Variants in UNC13B observed in about 807,000 individuals in gnomAD.
UNC13B encodes protein unc-13 homolog B.
A neutral mutation model predicts 211.0 loss-of-function variants in UNC13B; 144 were observed. That is an observed-to-expected ratio of 0.68 (90% confidence interval 0.60 to 0.78). UNC13B has a LOEUF of 0.78. UNC13B is among the 30% of genes least tolerant of loss of function. The probability of loss-of-function intolerance (pLI) is 0.00; values close to 1 mark genes in which losing one functional copy is unlikely to be tolerated. For missense variants in UNC13B, 1,777 were observed against 2,002.0 expected, an observed-to-expected ratio of 0.89 and a Z score of 2.14; for synonymous variants, 709 against 725.8, an observed-to-expected ratio of 0.98 and a Z score of 0.37.
chr9:35,289,409 T>C (rs907199220), intron 7 of UNC13B, among the ~76,000 whole-genome samples: 1 of 152,156 alleles, frequency 6.6e-6, no homozygotes, highest in African/African-American at 2.4e-5. Context: ...AGGAGTTGTG[T>C]CTTTTTTTCT....
intron 6 of UNC13B, among the ~76,000 whole-genome samples, chr9:35,251,966 C>T (rs2131594343): frequency 6.6e-6 from 1 of 152,274 alleles, no homozygotes. Flanking sequence ...GCTGAGTTTA[C>T]AAGCATGGGA....
intron 22 of UNC13B, chr9:35,385,196 C>T: frequency 1.0e-6 from 1 of 985,440 alleles, no homozygotes; most frequent in Non-Finnish European, 1.2e-6. Flanking sequence ...CTGGAAATTC[C>T]TAAGGAACTC....
At chr9:35,330,866 C>T (rs1162116734) in intron 11 of UNC13B, among the ~76,000 whole-genome samples, 1 of 152,072 alleles carries the variant, frequency 6.6e-6, no homozygotes, top group Non-Finnish European at 1.5e-5. Context: ...CCAAGGAGCA[C>T]ATAGAACATT....
Position 35,193,503 on chromosome 9 carries a change from T to C in UNC13B, c.22+31198T>C, listed in dbSNP as rs922851925. On this transcript the variant is annotated intron_variant, in intron 1 of 39. Transcript: ENST00000635942. ...CTCTACTAAAAATACAAAAATTAGC[T>C]GGGCATGGTGGCATGTAATCCACCT... Among the ~76,000 whole-genome samples the C allele has an allele frequency of 2.6e-5, 4 of 151,820 alleles. No homozygotes were observed. The East Asian group carries it at 5.8e-4, about 22-fold the overall frequency.
chr9:35,231,277 G>A, intron 3 of UNC13B, 58 bp downstream of exon 3: 1 of 1,098,202 alleles, frequency 9.1e-7, no homozygotes, highest in Non-Finnish European at 1.4e-6. Flanking sequence ...TAAGGGAATT[G>A]CATTGGATGA....
Position 35,392,197 on chromosome 9 carries a change from C to T in UNC13B, c.11308+1483C>T, listed in dbSNP as rs1381542065. ...CATACTGCCTGGCACTTACTCAGCA[C>T]TGACTAAATCTTAGTTCTTAAGAAC... On this transcript the variant is annotated intron_variant, in intron 26 of 39. Transcript: ENST00000635942. Among the ~76,000 whole-genome samples, 3 of 152,122 alleles carry T rather than the reference C, an allele frequency of 2.0e-5. No individual in the cohort carries two copies. The East Asian group carries it at 5.8e-4, about 29-fold the overall frequency.
Position 35,305,155 on chromosome 9 carries a change from T to C in UNC13B, c.5751T>C (p.Ser1917=), listed in dbSNP as rs1829863735. The C allele has an allele frequency of 1.0e-5, 4 of 398,786 alleles. No homozygotes were observed. In the East Asian group the frequency reaches 1.4e-4, roughly 14 times the overall value. The allele number at this position is 398,786 out of a possible 1,614,324, so 24.7% of individuals were successfully genotyped here. Residue 1917 remains serine, a synonymous_variant, in exon 9 of 40, where the codon AGT becomes AGC. Coordinates refer to ENST00000635942, the MANE Select transcript of UNC13B (RefSeq NM_001371189.2). ...SKESDKTLFK[S]SLKLFSQEES... ...AGTCTGATAAAACATTATTTAAAAGTTCATTGAAACTCTTCAGTCAAGAAG... is the reference window on the plus strand; with the variant it reads ...AGTCTGATAAAACATTATTTAAAAGCTCATTGAAACTCTTCAGTCAAGAAG...
chr9:35,166,933 A>C (rs1474021133), intron 1 of UNC13B, among the ~76,000 whole-genome samples: 5 of 152,064 alleles, frequency 3.3e-5, no homozygotes, highest in Non-Finnish European at 5.9e-5. Flanking sequence ...AGGTCATCTG[A>C]GTCTAAACCA....
intron 7 of UNC13B, among the ~76,000 whole-genome samples, chr9:35,282,775 G>A (rs760829878): frequency 3.3e-5 from 5 of 151,962 alleles, no homozygotes; most frequent in Non-Finnish European, 5.9e-5. Flanking sequence ...TTCCCCCTCC[G>A]TCTCTTGCTT....
At chr9:35,392,076 A>T (rs546104280) in intron 26 of UNC13B, among the ~76,000 whole-genome samples, 19 of 152,200 alleles carry the variant, frequency 1.2e-4, no homozygotes, top group Non-Finnish European at 2.4e-4. Context: ...GGTCCAAACT[A>T]CTTAATTTTT....
intron 11 of UNC13B, chr9:35,342,000 G>A: frequency 1.0e-6 from 1 of 985,516 alleles, no homozygotes; most frequent in Non-Finnish European, 1.2e-6. Context: ...TGCCAGAGAG[G>A]TGTGGACCAG....
At chr9:35,308,656 A>G (rs188025528) in intron 9 of UNC13B, among the ~76,000 whole-genome samples, 269 of 152,318 alleles carry the variant, frequency 1.8e-3, no homozygotes, top group African/African-American at 6.2e-3. Flanking sequence ...TGCTTAAAGC[A>G]AAAGCTGGGC....
At chr9:35,275,901 TAGAGTACCA>T (rs1358737091) in intron 7 of UNC13B, among the ~76,000 whole-genome samples, 1 of 152,180 alleles carries the variant, frequency 6.6e-6, no homozygotes, top group African/African-American at 2.4e-5. Flanking sequence ...GAATTGGTTT[TAGAGTACCA>T]AATACTACAA....
intron 11 of UNC13B, among the ~76,000 whole-genome samples, chr9:35,355,616 TAC>T (rs1174093089): frequency 0.082 from 12,421 of 152,134 alleles, 1,674 homozygotes; most frequent in African/African-American, 0.28. Context: ...CTATTCTTAA[TAC>T]ATTCATATAT....
intron 22 of UNC13B, 181 bp downstream of exon 22, chr9:35,384,495 G>A (rs1835060274): frequency 2.0e-6 from 2 of 985,324 alleles, no homozygotes; most frequent in African/African-American, 3.5e-5. Flanking sequence ...ACCATGTGGT[G>A]TATAAATAGC....
At chr9:35,366,116 A>G (rs1311769362) in intron 11 of UNC13B, among the ~76,000 whole-genome samples, 1 of 152,210 alleles carries the variant, frequency 6.6e-6, no homozygotes, top group Non-Finnish European at 1.5e-5. Flanking sequence ...GAGTGGAAGA[A>G]AACAAGGAGG....
At chr9:35,255,103 A>AT (rs1169520769) in intron 6 of UNC13B, among the ~76,000 whole-genome samples, 2 of 130,326 alleles carry the variant, frequency 1.5e-5, no homozygotes, top group Non-Finnish European at 3.1e-5. Flanking sequence ...TATTATATAT[A>AT]TTTTTTCTTA....
intron 1 of UNC13B, among the ~76,000 whole-genome samples, chr9:35,190,057 A>C (rs1332601532): frequency 2.6e-5 from 4 of 152,218 alleles, no homozygotes; most frequent in Non-Finnish European, 5.9e-5. Flanking sequence ...GGGCCTAAGA[A>C]GCAGGCACAG....
intron 14 of UNC13B, 115 bp downstream of exon 14, chr9:35,375,316 T>A: frequency 8.9e-7 from 1 of 1,129,368 alleles, no homozygotes; most frequent in South Asian, 1.3e-5. Context: ...GGACACACAT[T>A]GCTGATGAAA....
Sources: allele counts gnomAD v4.1 joint callset (sites outside exome capture counted in the v4.1 genomes callset), GRCh38; gene constraint gnomAD v4.1.1; transcripts MANE v1.5; gene names NCBI Gene and HGNC (gene_info 2026-07-23, HGNC 2026-07-21).